Variants in SCGB2B2 observed in about 807,000 individuals in gnomAD.
SCGB2B2 encodes secretoglobin family 2B member 2, also known as secretoglobin-like protein.
In SCGB2B2, 11 loss-of-function variants were observed where a neutral mutation model predicts 7.6. That is an observed-to-expected ratio of 1.45 (90% CI 0.91 to 2.40). The LOEUF is 2.40. SCGB2B2 is among the 30% of genes most tolerant of loss of function. The pLI, the probability that SCGB2B2 is intolerant of heterozygous loss-of-function variation, is 0.00. For synonymous variants in SCGB2B2, 50 were observed against 48.6 expected, an observed-to-expected ratio of 1.03 and a Z score of -0.12; for missense variants, 104 against 115.4, an observed-to-expected ratio of 0.90 and a Z score of 0.45.
intron 1 of SCGB2B2, among the ~76,000 whole-genome samples, chr19:34,656,383 C>T (rs2067284266): frequency 6.6e-6 from 1 of 151,272 alleles, no homozygotes; most frequent in Admixed American, 6.6e-5. Flanking sequence ...GTGGGCAGAT[C>T]ACTTGAGCCA....
In SCGB2B2 at chr19:34,603,127, C is replaced by T. The variant is rs2065678246; in HGVS notation, c.-2031-6533G>A. 2.0e-5 allele frequency among the ~76,000 whole-genome samples: 3 copies of T among 152,290 alleles called. No homozygotes were observed. The South Asian group carries it at 6.2e-4, about 32-fold the overall frequency. On this transcript the variant is annotated intron_variant, in intron 1 of 3. Coordinates refer to ENST00000601241, the MANE Select transcript of SCGB2B2 (RefSeq NM_001025591.4). ...GCAGATTCTTCTGGGTAATAAAACT[C>T]ACAGGCACAATAGATGTTCACCTGA...
intron 1 of SCGB2B2, among the ~76,000 whole-genome samples, chr19:34,658,816 A>AACAAC (rs2067362827): frequency 1.0e-5 from 1 of 97,040 alleles, no homozygotes; most frequent in African/African-American, 3.8e-5. Context: ...ACAACAACAA[A>AACAAC]AAAAAAAAAA....
At chr19:34,609,042 G>A (rs146201187) in intron 1 of SCGB2B2, among the ~76,000 whole-genome samples, 48 of 151,962 alleles carry the variant, frequency 3.2e-4, no homozygotes, top group African/African-American at 1.1e-3. Context: ...AGCTCACTGT[G>A]GTTTTGATTT....
intron 1 of SCGB2B2, among the ~76,000 whole-genome samples, chr19:34,624,539 C>T (rs2066317855): frequency 6.6e-6 from 1 of 152,076 alleles, no homozygotes; most frequent in South Asian, 2.1e-4. Flanking sequence ...GTAAAAACTC[C>T]CTCAACATAG....
chr19:34,634,963 G>C, intron 1 of SCGB2B2: 1 of 282,142 alleles, frequency 3.5e-6, no homozygotes, highest in South Asian at 4.7e-5. Context: ...CTGATGTGCA[G>C]TAAGGCCAGA....
At chr19:34,654,819 C>G (rs1226549679) in intron 1 of SCGB2B2, among the ~76,000 whole-genome samples, 4 of 151,000 alleles carry the variant, frequency 2.6e-5, no homozygotes, top group Non-Finnish European at 4.4e-5. Context: ...GCCTCTGGGC[C>G]TTCAATGAGA....
chr19:34,659,339 G>T (rs1278069965), intron 1 of SCGB2B2, among the ~76,000 whole-genome samples: 2 of 152,046 alleles, frequency 1.3e-5, no homozygotes, highest in East Asian at 3.8e-4. Flanking sequence ...AGGAAAAGAG[G>T]AGTCAAATTG....
intron 1 of SCGB2B2, among the ~76,000 whole-genome samples, chr19:34,606,511 C>CTTTTTTTT (rs774587331): frequency 2.2e-5 from 2 of 92,586 alleles, no homozygotes; most frequent in African/African-American, 6.5e-5. Context: ...TTTTTCTTTT[C>CTTTTTTTT]TTTTTCTTTT....
Position 34,645,981 on chromosome 19 carries a change from C to T in SCGB2B2, c.-2032+29649G>A, listed in dbSNP as rs1346509639. 1.2e-5 allele frequency: 4 copies of T among 324,216 alleles called. No homozygotes were observed. The Admixed American group carries it at 1.5e-4, about 13-fold the overall frequency. 20.1% of individuals were successfully genotyped at this position (324,216 alleles called of 1,614,324 possible). A position where few individuals can be genotyped will look rare whatever the true frequency, so the allele number is the denominator to read the frequency against. On this transcript the variant is annotated intron_variant, in intron 1 of 3. Coordinates refer to ENST00000601241, the MANE Select transcript of SCGB2B2 (RefSeq NM_001025591.4). ...GGAGCTTGCTCAATACAACCCCAGC[C>T]CCCTGACAGAGGAGTCCTTCCTCAA...
intron 1 of SCGB2B2, chr19:34,646,469 C>T (rs1184930390): frequency 6.6e-6 from 1 of 152,604 alleles, no homozygotes; most frequent in Non-Finnish European, 1.5e-5. Context: ...TGCAGAGTCA[C>T]ACTCAAGCAG....
chr19:34,594,432 C>T, intron 2 of SCGB2B2, 71 bp downstream of exon 2: 1 of 1,602,446 alleles, frequency 6.2e-7, no homozygotes, highest in Non-Finnish European at 8.6e-7. Context: ...GCCAATGAGA[C>T]CTTGGGATGG....
intron 1 of SCGB2B2, among the ~76,000 whole-genome samples, chr19:34,661,827 T>C (rs974934052): frequency 2.0e-5 from 3 of 148,076 alleles, no homozygotes; most frequent in African/African-American, 7.6e-5. Context: ...AGTTTTTCTG[T>C]GATTTTTTTT....
rs1227070555 is a variant in SCGB2B2, at chr19:34,612,070, ACT to A, written c.-2031-15478_-2031-15477del. Among the ~76,000 whole-genome samples, 3 of 78,168 alleles carry A rather than the reference ACT, an allele frequency of 3.8e-5. No individual in the cohort carries two copies. The East Asian group carries it at 1.4e-3, about 36-fold the overall frequency. 51.3% of individuals were successfully genotyped at this position (78,168 alleles called of 152,430 possible). On this transcript the variant is annotated intron_variant, in intron 1 of 3. Coordinates refer to ENST00000601241, the MANE Select transcript of SCGB2B2 (RefSeq NM_001025591.4). The stretch of plus-strand genomic sequence containing the variant: ...TTTTTTTTTTTTTTAGGATAGTCTC[ACT>A]CTGTTGCCAGGCTGGAGTGCAGTAG...
intron 1 of SCGB2B2, among the ~76,000 whole-genome samples, chr19:34,655,204 A>G (rs1012203454): frequency 2.0e-5 from 3 of 151,276 alleles, no homozygotes; most frequent in Non-Finnish European, 4.4e-5. Context: ...AGATGGAAGG[A>G]GGAGTCAGAC....
rs187215884 is a variant in SCGB2B2 at position 34,626,348 on chromosome 19, T to C, written c.-2031-29754A>G. ...AAGTTCGAACCCATGGCAAAGTAGT[T>C]AAAAACCTTGAAAAAAAATTAGACG... On this transcript the variant is annotated intron_variant, in intron 1 of 3. Coordinates refer to ENST00000601241, the MANE Select transcript of SCGB2B2 (RefSeq NM_001025591.4). Among the ~76,000 whole-genome samples the C allele has an allele frequency of 1.5e-4, 23 of 152,102 alleles. No homozygotes were observed. In the East Asian group the frequency reaches 4.4e-3, roughly 29 times the overall value.
At chr19:34,599,324 CCTT>C (rs2145770723) in intron 1 of SCGB2B2, among the ~76,000 whole-genome samples, 1 of 152,348 alleles carries the variant, frequency 6.6e-6, no homozygotes, top group East Asian at 1.9e-4. Flanking sequence ...CGCCCTTTCT[CCTT>C]CTCCCCATCT....
intron 1 of SCGB2B2, among the ~76,000 whole-genome samples, chr19:34,661,387 T>C (rs1430677383): frequency 6.6e-6 from 1 of 152,230 alleles, no homozygotes; most frequent in Non-Finnish European, 1.5e-5. Context: ...ACCAGTGTTA[T>C]GGAGAGGAAT....
At chr19:34,626,584 G>A (rs1424631397) in intron 1 of SCGB2B2, among the ~76,000 whole-genome samples, 2 of 152,148 alleles carry the variant, frequency 1.3e-5, no homozygotes, top group Non-Finnish European at 2.9e-5. Flanking sequence ...AACGAACAAA[G>A]CCTCCAAGAA....
At chr19:34,619,976 T>C (rs2066194349) in intron 1 of SCGB2B2, among the ~76,000 whole-genome samples, 2 of 152,152 alleles carry the variant, frequency 1.3e-5, no homozygotes, top group Non-Finnish European at 2.9e-5. Context: ...AATTAACTTT[T>C]AGATAACTTT....
Sources: allele counts gnomAD v4.1 joint callset (sites outside exome capture counted in the v4.1 genomes callset), GRCh38; gene constraint gnomAD v4.1.1; transcripts MANE v1.5; gene names NCBI Gene and HGNC (gene_info 2026-07-23, HGNC 2026-07-21).